The following FOXJ3 variants were observed in gnomAD, a reference collection of about 807,000 sequenced individuals.
FOXJ3 encodes the protein forkhead box protein J3.
A neutral mutation model predicts 76.1 loss-of-function variants in FOXJ3; 22 were observed. The ratio of observed to expected loss-of-function variants is 0.29; its 90% CI spans 0.21 to 0.41. FOXJ3 has a LOEUF of 0.41. Ranked by LOEUF, FOXJ3 falls within the 10% of genes least tolerant of loss-of-function variation. The pLI is 1.00. For missense variants in FOXJ3, 613 were observed against 762.1 expected, an observed-to-expected ratio of 0.80 and a Z score of 2.30; for synonymous variants, 269 against 261.2, an observed-to-expected ratio of 1.03 and a Z score of -0.29.
chr1:42,333,193 A>G (rs1474494900), intron 1 of FOXJ3, among the ~76,000 whole-genome samples: 1 of 152,204 alleles, frequency 6.6e-6, no homozygotes, highest in Non-Finnish European at 1.5e-5. Flanking sequence ...TCTATATTTA[A>G]ATATTTTCAT....
chr1:42,328,482 G>C (rs561331098), intron 1 of FOXJ3, among the ~76,000 whole-genome samples: 2 of 152,160 alleles, frequency 1.3e-5, no homozygotes, highest in Admixed American at 1.3e-4. Context: ...GGGAAACAAT[G>C]GTCAGACAGT....
intron 4 of FOXJ3, among the ~76,000 whole-genome samples, chr1:42,257,358 A>G (rs1464548694): frequency 6.6e-6 from 1 of 152,178 alleles, no homozygotes; most frequent in Non-Finnish European, 1.5e-5. Flanking sequence ...AGTAGAAGAG[A>G]GCAAACAAAT....
chr1:42,276,348 T>G (rs1385244146), intron 3 of FOXJ3, among the ~76,000 whole-genome samples: 2 of 151,286 alleles, frequency 1.3e-5, no homozygotes, highest in Non-Finnish European at 2.9e-5. Context: ...AAAGCAAGAC[T>G]CTGTCTTAAA....
intron 4 of FOXJ3, among the ~76,000 whole-genome samples, chr1:42,231,559 A>G (rs1356385742): frequency 6.6e-6 from 1 of 152,214 alleles, no homozygotes; most frequent in Non-Finnish European, 1.5e-5. Flanking sequence ...TGGTAATGAT[A>G]ACTGCACAAG....
chr1:42,295,507 GACT>G (rs944644113), intron 2 of FOXJ3, among the ~76,000 whole-genome samples: 1 of 143,092 alleles, frequency 7.0e-6, no homozygotes, highest in Admixed American at 7.1e-5. Flanking sequence ...TGTTGAACAT[GACT>G]ACAAGTGTCT....
chr1:42,293,552 G>C lies in FOXJ3; in HGVS notation c.45-14880C>G, dbSNP rs76561083. On this transcript the variant is annotated intron_variant, in intron 2 of 12. Coordinates refer to ENST00000361346, the MANE Select transcript of FOXJ3 (RefSeq NM_014947.5). Reference sequence around the variant, plus strand: ...CCTGAATTTATTTTAAGCATACTGGGTTCTTCTTGATATCAATAGCAAAAA... The same window carrying C: ...CCTGAATTTATTTTAAGCATACTGGCTTCTTCTTGATATCAATAGCAAAAA... Among the ~76,000 whole-genome samples, 4 of 152,164 alleles carry C rather than the reference G, an allele frequency of 2.6e-5. No individual in the cohort carries two copies. In the East Asian group the frequency reaches 7.7e-4, roughly 29 times the overall value.
chr1:42,279,256 A>G (rs1432677149), intron 2 of FOXJ3, among the ~76,000 whole-genome samples: 3 of 152,230 alleles, frequency 2.0e-5, no homozygotes, highest in African/African-American at 4.8e-5. Flanking sequence ...AATAGCAAGG[A>G]GACAAGCTAG....
At chr1:42,204,693 C>T (rs1358627067) in intron 6 of FOXJ3, among the ~76,000 whole-genome samples, 2 of 152,194 alleles carry the variant, frequency 1.3e-5, no homozygotes, top group East Asian at 3.9e-4. Flanking sequence ...ATTACCACCA[C>T]TACCACCACC....
chr1:42,330,593 G>A (rs1184561649), intron 1 of FOXJ3, among the ~76,000 whole-genome samples: 7 of 152,024 alleles, frequency 4.6e-5, no homozygotes, highest in Non-Finnish European at 7.3e-5. Flanking sequence ...AGCCATGATC[G>A]TGCCACTGCA....
chr1:42,187,978 A>G (rs1646470571), intron 11 of FOXJ3, among the ~76,000 whole-genome samples: 1 of 152,274 alleles, frequency 6.6e-6, no homozygotes, highest in Non-Finnish European at 1.5e-5. Flanking sequence ...TGACTTGAAT[A>G]AACTCAAACC....
intron 11 of FOXJ3, among the ~76,000 whole-genome samples, chr1:42,183,484 CTACGT>C (rs1646372086): frequency 6.6e-6 from 1 of 151,746 alleles, no homozygotes; most frequent in Non-Finnish European, 1.5e-5. Context: ...AAAATGTCAA[CTACGT>C]TACATCACAA....
chr1:42,310,279 G>A (rs2124755576), intron 2 of FOXJ3, among the ~76,000 whole-genome samples: 1 of 151,640 alleles, frequency 6.6e-6, no homozygotes, highest in South Asian at 2.1e-4. Flanking sequence ...CCGAGTAGCT[G>A]GGATTACAGG....
intron 12 of FOXJ3, among the ~76,000 whole-genome samples, chr1:42,180,848 G>A (rs975315331): frequency 2.6e-5 from 4 of 151,048 alleles, no homozygotes; most frequent in African/African-American, 7.4e-5. Context: ...TGAGGTAGGA[G>A]GGTTAGGTAG....
chr1:42,275,464 G>A (rs1404965262), intron 3 of FOXJ3, among the ~76,000 whole-genome samples: 2 of 152,138 alleles, frequency 1.3e-5, no homozygotes, highest in Non-Finnish European at 2.9e-5. Flanking sequence ...GGGAAGCAGA[G>A]GCAGGCAGAT....
At chr1:42,290,066 T>A (rs1302825168) in intron 2 of FOXJ3, among the ~76,000 whole-genome samples, 1 of 152,138 alleles carries the variant, frequency 6.6e-6, no homozygotes, top group East Asian at 1.9e-4. Flanking sequence ...AAGAAAAGGC[T>A]ATGATGTTTT....
In FOXJ3 at chr1:42,317,199, G is replaced by A. The variant is rs1655167824; in HGVS notation, c.-17-6089C>T. On this transcript the variant is annotated intron_variant, in intron 1 of 12. Coordinates refer to ENST00000361346, the MANE Select transcript of FOXJ3 (RefSeq NM_014947.5). The stretch of plus-strand genomic sequence containing the variant: ...TGAAGAAACAACCCCTTTGATTCAA[G>A]AAACTTGACTGAACATTTCAGATTA... Among the ~76,000 whole-genome samples, 3 of 152,070 alleles carry A rather than the reference G, an allele frequency of 2.0e-5. No individual in the cohort carries two copies. In the South Asian group the frequency reaches 6.2e-4, roughly 32 times the overall value.
intron 3 of FOXJ3, 24 bp downstream of exon 3, chr1:42,278,324 T>C: frequency 6.8e-7 from 1 of 1,471,394 alleles, no homozygotes; most frequent in Non-Finnish European, 9.4e-7. Flanking sequence ...TTCATAAAAG[T>C]AATAATTTAA....
At position 42,265,197 on chromosome 1, in the gene FOXJ3, TAAA is replaced by T; in HGVS notation, c.370-11_370-9del. The T allele has an allele frequency of 6.5e-7, 1 of 1,529,022 alleles. No individual in the cohort carries two copies. The highest frequency in any genetic ancestry group is 8.9e-7 in the Non-Finnish European group (1 of 1,121,932). 94.7% of individuals were successfully genotyped at this position (1,529,022 alleles called of 1,614,324 possible). A position where few individuals can be genotyped will look rare whatever the true frequency, so the allele number is the denominator to read the frequency against. On this transcript the variant is annotated splice_polypyrimidine_tract_variant and intron_variant, in intron 3 of 12. Coordinates refer to ENST00000361346, the MANE Select transcript of FOXJ3 (RefSeq NM_014947.5). ...ATTATGTCGTATGGAATTCTGGAAT[TAAA>T]GAAGAAAAGCCATAAGGTCAATAAA...
At chr1:42,324,104 G>A (rs12758206) in intron 1 of FOXJ3, among the ~76,000 whole-genome samples, 1,242 of 88,824 alleles carry the variant, frequency 0.014, 139 homozygotes, top group African/African-American at 0.059. Flanking sequence ...TATATACTGT[G>A]TATATACACT....
Sources: allele counts gnomAD v4.1 joint callset (sites outside exome capture counted in the v4.1 genomes callset), GRCh38; gene constraint gnomAD v4.1.1; transcripts MANE v1.5; gene names NCBI Gene and HGNC (gene_info 2026-07-23, HGNC 2026-07-21).